PXDNL: variants seen among roughly 807,000 people sequenced by gnomAD.
The protein encoded by PXDNL is peroxidasin like.
Under a neutral mutation model 150.8 loss-of-function variants are expected in PXDNL, and 145 were observed. The observed-to-expected ratio is 0.96, with a 90% confidence interval of 0.84 to 1.10. PXDNL has a LOEUF of 1.10. Among genes scored for constraint, PXDNL ranks in the 50% least tolerant of loss-of-function variants. The pLI is 0.00. For missense variants in PXDNL, 2,087 were observed against 1,873.9 expected, an observed-to-expected ratio of 1.11 and a Z score of -2.10; for synonymous variants, 757 against 725.7, an observed-to-expected ratio of 1.04 and a Z score of -0.69.
intron 10 of PXDNL, among the ~76,000 whole-genome samples, chr8:51,452,376 A>C (rs982738072): frequency 6.6e-6 from 1 of 152,260 alleles, no homozygotes; most frequent in South Asian, 2.1e-4. Flanking sequence ...TAGAGCAAGG[A>C]AAGTATTTTT....
intron 20 of PXDNL, among the ~76,000 whole-genome samples, chr8:51,341,517 C>T (rs1053315438): frequency 3.3e-5 from 5 of 152,026 alleles, no homozygotes; most frequent in African/African-American, 1.2e-4. Context: ...CTATACAGTA[C>T]CATTTATTAA....
intron 17 of PXDNL, among the ~76,000 whole-genome samples, chr8:51,378,117 CGTTGG>C (rs1807401610): frequency 1.4e-5 from 2 of 140,186 alleles, no homozygotes; most frequent in African/African-American, 5.4e-5. Context: ...TCTGGTGGGG[CGTTGG>C]AGAACCTTTA....
At chr8:51,474,383 A>T (rs1260979374) in intron 7 of PXDNL, among the ~76,000 whole-genome samples, 2 of 152,240 alleles carry the variant, frequency 1.3e-5, no homozygotes, top group East Asian at 1.9e-4. Flanking sequence ...GTAATAAATT[A>T]TTTAGGTAAA....
rs142456366 is a variant in PXDNL at position 51,480,368 on chromosome 8, G to A, written c.524+3275C>T. On this transcript the variant is annotated intron_variant, in intron 6 of 22. Coordinates refer to ENST00000356297, the MANE Select transcript of PXDNL (RefSeq NM_144651.5). ...GCCTCAGGAAGCTTTTACTCATGGC[G>A]GAAGGAGGAGCAGAAGCAGGCACTT... 8.6e-3 allele frequency among the ~76,000 whole-genome samples: 1,310 copies of A among 152,264 alleles called. 13 individuals carry two copies. The highest frequency in any genetic ancestry group is 0.017 in the Middle Eastern group (5 of 294).
intron 1 of PXDNL, among the ~76,000 whole-genome samples, chr8:51,663,114 T>C (rs939596918): frequency 6.6e-6 from 1 of 152,168 alleles, no homozygotes; most frequent in African/African-American, 2.4e-5. Flanking sequence ...ATTTTAGAAC[T>C]GAAGAAGTTA....
chr8:51,749,036 T>C (rs1191625454), intron 1 of PXDNL, among the ~76,000 whole-genome samples: 2 of 152,126 alleles, frequency 1.3e-5, no homozygotes, highest in Non-Finnish European at 2.9e-5. Flanking sequence ...AGCCAAAACC[T>C]GAAAAAATCA....
chr8:51,578,428 A>T (rs1813136155), intron 3 of PXDNL, among the ~76,000 whole-genome samples: 1 of 151,988 alleles, frequency 6.6e-6, no homozygotes, highest in African/African-American at 2.4e-5. Context: ...CAAAAGCTTT[A>T]GATAATGTTT....
intron 1 of PXDNL, among the ~76,000 whole-genome samples, chr8:51,705,813 G>GTA: frequency 1.5e-5 from 1 of 65,890 alleles, no homozygotes; most frequent in African/African-American, 7.7e-5. Context: ...AACACTGTGT[G>GTA]TGTGTGTGTG....
intron 21 of PXDNL, among the ~76,000 whole-genome samples, chr8:51,322,242 T>C (rs771787633): frequency 2.0e-5 from 3 of 151,952 alleles, no homozygotes; most frequent in Non-Finnish European, 1.5e-5. Context: ...GACTAATATA[T>C]GATATATGGA....
At chr8:51,462,749 T>G (rs908504133) in intron 8 of PXDNL, among the ~76,000 whole-genome samples, 8 of 151,866 alleles carry the variant, frequency 5.3e-5, no homozygotes, top group Non-Finnish European at 1.2e-4. Flanking sequence ...CCACAAAAAT[T>G]TCCCCAATAT....
intron 4 of PXDNL, among the ~76,000 whole-genome samples, chr8:51,526,976 C>T (rs186969869): frequency 6.8e-4 from 104 of 152,328 alleles, no homozygotes; most frequent in Non-Finnish European, 4.0e-4. Flanking sequence ...AGCCTCTCTT[C>T]ACCCTCCTTC....
intron 2 of PXDNL, among the ~76,000 whole-genome samples, chr8:51,596,608 A>C (rs577168615): frequency 2.0e-5 from 3 of 151,586 alleles, no homozygotes; most frequent in African/African-American, 7.2e-5. Context: ...CTATTATTAT[A>C]GAGGTAGTAT....
intron 17 of PXDNL, among the ~76,000 whole-genome samples, chr8:51,378,037 A>G (rs374879108): frequency 1.3e-5 from 2 of 152,228 alleles, no homozygotes; most frequent in African/African-American, 4.8e-5. Context: ...GATTGTAAAT[A>G]CACCAATTAG....
At position 51,472,426 on chromosome 8, in the gene PXDNL, T is replaced by A. The variant is rs558836292; in HGVS notation, c.695-122A>T. The stretch of plus-strand genomic sequence containing the variant: ...TACATTAAAGTTTTACACATCGAAC[T>A]GCATTTACCCGGTAATACATGTACC... On this transcript the variant is annotated intron_variant, in intron 7 of 22. Coordinates refer to ENST00000356297, the MANE Select transcript of PXDNL (RefSeq NM_144651.5). The A allele has an allele frequency of 1.1e-4, 69 of 650,274 alleles. No individual in the cohort carries two copies. In the South Asian group the frequency reaches 1.4e-3, roughly 13 times the overall value. 40.3% of individuals were successfully genotyped at this position (650,274 alleles called of 1,614,324 possible).
chr8:51,582,421 A>T (rs1813229112), intron 3 of PXDNL, among the ~76,000 whole-genome samples: 1 of 152,154 alleles, frequency 6.6e-6, no homozygotes, highest in African/African-American at 2.4e-5. Flanking sequence ...TGTTATTCTC[A>T]TGACTAGAAA....
chr8:51,774,986 C>G (rs2037336735), intron 1 of PXDNL, among the ~76,000 whole-genome samples: 1 of 152,162 alleles, frequency 6.6e-6, no homozygotes. Context: ...AGAATTCACA[C>G]AGTCAAGAGG....
Position 51,645,577 on chromosome 8 carries a change from C to T in PXDNL, c.236+9112G>A, listed in dbSNP as rs749651020. On this transcript the variant is annotated intron_variant, in intron 2 of 22. Coordinates refer to ENST00000356297, the MANE Select transcript of PXDNL (RefSeq NM_144651.5). ...CTGCTGATAGCAGTGAGGTGGTGAA[C>T]AGATCAGATCTGTAGTACATTTAAA... Among the ~76,000 whole-genome samples the T allele has an allele frequency of 5.8e-4, 88 of 152,100 alleles. 2 individuals carry two copies. Among genetic ancestry groups the T allele is most frequent in the Non-Finnish European group, 2.8e-4 (19 of 68,016 alleles).
intron 21 of PXDNL, 99 bp downstream of exon 21, chr8:51,339,525 A>T: frequency 8.2e-7 from 1 of 1,216,186 alleles, no homozygotes; most frequent in Admixed American, 2.3e-5. Flanking sequence ...TATTATTCTG[A>T]TACTGTGCTG....
rs1563471095 is a variant in PXDNL at position 51,577,987 on chromosome 8, GAA to G, written c.308+14638_308+14639del. Among the ~76,000 whole-genome samples, 405 of 70,376 alleles carry G rather than the reference GAA, an allele frequency of 5.8e-3. 2 individuals are homozygous for G. Among genetic ancestry groups the G allele is most frequent in the Middle Eastern group, 9.3e-3 (1 of 108 alleles). The allele number at this position is 70,376 out of a possible 152,430, so 46.2% of individuals were successfully genotyped here. The stretch of plus-strand genomic sequence containing the variant: ...AGAAAGAAAGAAAGAAAGAAAGAAA[GAA>G]AGAAAGAAAGAGGAAGGAAGGAAGG... On this transcript the variant is annotated intron_variant, in intron 3 of 22. Coordinates refer to ENST00000356297, the MANE Select transcript of PXDNL (RefSeq NM_144651.5).
Sources: allele counts gnomAD v4.1 joint callset (sites outside exome capture counted in the v4.1 genomes callset), GRCh38; gene constraint gnomAD v4.1.1; transcripts MANE v1.5; gene names NCBI Gene and HGNC (gene_info 2026-07-23, HGNC 2026-07-21).